Variants in CLCN5 observed in about 807,000 individuals in gnomAD.
The protein encoded by CLCN5 is Cl-/H+ antiporter 5.
In CLCN5, 17 loss-of-function variants were observed where a neutral mutation model predicts 54.0. The observed-to-expected ratio is 0.31, with a 90% CI of 0.22 to 0.47. The LOEUF is 0.47. Among genes scored for constraint, CLCN5 ranks in the 20% least tolerant of loss-of-function variants. The pLI is 1.00. For missense variants in CLCN5, 448 were observed against 646.7 expected (o/e 0.69, Z 3.33); for synonymous variants, 222 against 233.0 (o/e 0.95, Z 0.43).
chrX:50,003,169 T>C (rs1158999000), intron 3 of CLCN5: 1 of 383,900 alleles, frequency 2.6e-6, no homozygotes, highest in Non-Finnish European at 5.2e-6. Flanking sequence ...CTCTCCTCCA[T>C]GCCTTGAGTG....
At chrX:50,065,943 A>G (rs1366962231) in intron 4 of CLCN5, among the ~76,000 whole-genome samples, 1 of 94,809 alleles carries the variant, frequency 1.1e-5, no homozygotes, top group Non-Finnish European at 2.1e-5. Flanking sequence ...ATTCTCACTC[A>G]TAGGTGGGAA....
intron 3 of CLCN5, among the ~76,000 whole-genome samples, chrX:49,935,634 A>G (rs1324249451): frequency 8.9e-6 from 1 of 111,847 alleles, no homozygotes; most frequent in African/African-American, 3.2e-5. Flanking sequence ...GGAGGAAGTG[A>G]CAAGTTCATC....
intron 3 of CLCN5, among the ~76,000 whole-genome samples, chrX:50,036,342 C>T (rs1440831610): frequency 1.8e-5 from 2 of 111,619 alleles, no homozygotes; most frequent in African/African-American, 6.5e-5. Flanking sequence ...TTTTGTTGAC[C>T]CTTTCTTTCT....
At chrX:50,078,573 T>C (rs1172107360) in intron 7 of CLCN5, among the ~76,000 whole-genome samples, 2 of 112,594 alleles carry the variant, frequency 1.8e-5, no homozygotes, top group Non-Finnish European at 3.8e-5. Flanking sequence ...CGCGCACGCA[T>C]GTAGTTCATA....
At chrX:50,087,924 A>C (rs1221231800) in intron 11 of CLCN5, among the ~76,000 whole-genome samples, 2 of 112,132 alleles carry the variant, frequency 1.8e-5, no homozygotes, top group African/African-American at 6.5e-5. Context: ...AATATTAAGA[A>C]TTTACTATAG....
At chrX:50,028,820 C>T (rs1303673850) in intron 3 of CLCN5, among the ~76,000 whole-genome samples, 1 of 112,080 alleles carries the variant, frequency 8.9e-6, no homozygotes, top group African/African-American at 3.2e-5. Flanking sequence ...CTGTTCCTTT[C>T]ACTTCATTTT....
rs1933869113 is a variant in CLCN5 at position 50,085,973 on chromosome X, A to AT, written c.934-3dup. 1 of 1,199,555 alleles carries AT rather than the reference A, an allele frequency of 8.3e-7. No individual in the cohort carries two copies. Among genetic ancestry groups the AT allele is most frequent in the Admixed American group, 2.2e-5 (1 of 45,799 alleles). On this transcript the variant is annotated splice_region_variant and splice_polypyrimidine_tract_variant and intron_variant, in intron 9 of 14. Transcript: ENST00000376091. ...TTCTGTCACTAATTCTGAGTTTTGG[A>AT]TTTTAGGTCTTGTCGGCTGCAGCAG... is the stretch of plus-strand genomic sequence containing the variant.
intron 14 of CLCN5, among the ~76,000 whole-genome samples, chrX:50,091,444 A>AT (rs1344468839): frequency 1.8e-5 from 2 of 111,715 alleles, no homozygotes; most frequent in African/African-American, 6.5e-5. Context: ...AGAGGGGTGG[A>AT]TTTTTTTCCC....
At chrX:50,089,075 A>G (rs142122851) in intron 12 of CLCN5, among the ~76,000 whole-genome samples, 191 bp downstream of exon 12, 2 of 107,855 alleles carry the variant, frequency 1.9e-5, no homozygotes, top group African/African-American at 7.5e-5. Context: ...AATAAAAATC[A>G]TAATAAAAAA....
At chrX:50,046,829 G>C (rs1465183683) in intron 4 of CLCN5, among the ~76,000 whole-genome samples, 3 of 111,029 alleles carry the variant, frequency 2.7e-5, no homozygotes, top group Non-Finnish European at 5.7e-5. Flanking sequence ...CCTGAATGAA[G>C]ACAGCAGGAA....
At chrX:50,032,054 A>G (rs1557185924) in intron 3 of CLCN5, among the ~76,000 whole-genome samples, 4 of 109,599 alleles carry the variant, frequency 3.6e-5, no homozygotes, top group Non-Finnish European at 7.6e-5. Context: ...TGAACTCATC[A>G]TTTTTTATGG....
chrX:49,987,052 A>T (rs1929022202), intron 3 of CLCN5, among the ~76,000 whole-genome samples: 1 of 112,745 alleles, frequency 8.9e-6, no homozygotes, highest in Non-Finnish European at 1.9e-5. Context: ...GTTCAGGAAC[A>T]GTTAACGCAG....
rs1934234133 is a variant in CLCN5, at chrX:50,095,449, A to G, written c.*3230A>G. 1 of 112,619 alleles carries G rather than the reference A, an allele frequency of 8.9e-6. No individual in the cohort carries two copies. Among genetic ancestry groups the G allele is most frequent in the Non-Finnish European group, 1.9e-5 (1 of 53,346 alleles). The allele number at this position is 112,619 out of a possible 1,213,427, so 9.3% of individuals were successfully genotyped here. On this transcript the variant is annotated 3_prime_UTR_variant, in exon 15 of 15. Transcript: ENST00000376091. The stretch of plus-strand genomic sequence containing the variant: ...TGGCCACAGCATCCTGGCTCAGCCC[A>G]GCTGTGGAGTAGAGGTGGTAAGATC...
At chrX:50,078,305 A>G (rs1163151734) in intron 7 of CLCN5, among the ~76,000 whole-genome samples, 2 of 111,081 alleles carry the variant, frequency 1.8e-5, no homozygotes, top group African/African-American at 6.6e-5. Flanking sequence ...CTGCACTCCA[A>G]CCTGGGCAAT....
At chrX:49,974,196 A>C (rs1928372683) in intron 3 of CLCN5, among the ~76,000 whole-genome samples, 1 of 112,157 alleles carries the variant, frequency 8.9e-6, no homozygotes. Context: ...TTTGATATGA[A>C]CATTTGTGTA....
intron 9 of CLCN5, among the ~76,000 whole-genome samples, chrX:50,082,696 A>T (rs982654583): frequency 9.0e-6 from 1 of 111,620 alleles, no homozygotes; most frequent in Admixed American, 9.5e-5. Flanking sequence ...TTAACTTTTT[A>T]TTGTATGTAA....
chrX:50,073,107 T>C (rs1933279265), intron 6 of CLCN5, among the ~76,000 whole-genome samples: 1 of 110,692 alleles, frequency 9.0e-6, no homozygotes, highest in Admixed American at 9.7e-5. Flanking sequence ...ATAAACTCCT[T>C]CAACCTTCCC....
chrX:50,078,329 G>A (rs183266073), intron 7 of CLCN5, among the ~76,000 whole-genome samples: 77 of 110,772 alleles, frequency 7.0e-4, no homozygotes, highest in African/African-American at 2.4e-3. Context: ...GTGAGATCCT[G>A]TCACACACAC....
chrX:49,956,530 G>GA (rs1363309505), intron 3 of CLCN5, among the ~76,000 whole-genome samples: 1 of 111,659 alleles, frequency 9.0e-6, no homozygotes, highest in African/African-American at 3.3e-5. Context: ...TGAAATGCTT[G>GA]AAAATCCTTC....
Sources: gnomAD v4.1 joint callset for allele counts (sites outside exome capture counted in the v4.1 genomes callset) on GRCh38, gnomAD v4.1.1 for gene constraint, MANE v1.5 for transcripts, NCBI Gene and HGNC (gene_info 2026-07-23, HGNC 2026-07-21) for gene names.